RHOBTB1: variants seen among roughly 807,000 people sequenced by gnomAD.
RHOBTB1 encodes Rho related BTB domain containing 1, also known as rho-related BTB domain-containing protein 1.
RHOBTB1 carries 40 observed loss-of-function variants against 71.6 expected under a neutral mutation model. That is an observed-to-expected ratio of 0.56 (90% CI 0.43 to 0.73). The LOEUF is 0.73. RHOBTB1 is among the 30% of genes least tolerant of loss of function. RHOBTB1 has a pLI of 0.00. For missense variants in RHOBTB1, 797 were observed against 894.0 expected (o/e 0.89, Z 1.38); for synonymous variants, 319 against 334.9 (o/e 0.95, Z 0.52).
chr10:60,879,249 G>T (rs1029724320), intron 7 of RHOBTB1, among the ~76,000 whole-genome samples: 4 of 152,186 alleles, frequency 2.6e-5, no homozygotes, highest in African/African-American at 9.7e-5. Context: ...GGAAACAAAG[G>T]TTTGAGTTAC....
Position 60,956,591 on chromosome 10 carries a change from CT to C in RHOBTB1, c.-61-14738del, listed in dbSNP as rs550333725. Among the ~76,000 whole-genome samples, 119 of 151,764 alleles carry C rather than the reference CT, an allele frequency of 7.8e-4. 1 individual carries two copies. Among genetic ancestry groups the C allele is most frequent in the African/African-American group, 2.6e-3 (109 of 41,412 alleles). On this transcript the variant is annotated intron_variant, in intron 2 of 11. Coordinates refer to the RHOBTB1 transcript ENST00000357917. ...ACATTTAGCTGTACAAAAATATCTTCTTTATATCCTTATTGTATAAGTTTTA... is the reference window on the plus strand; with the variant it reads ...ACATTTAGCTGTACAAAAATATCTTCTTATATCCTTATTGTATAAGTTTTA...
chr10:60,891,867 AC>A (rs2081938067), intron 5 of RHOBTB1, among the ~76,000 whole-genome samples: 1 of 152,038 alleles, frequency 6.6e-6, no homozygotes, highest in South Asian at 2.1e-4. Context: ...CACGGGAGGG[AC>A]CTGGTGAAAG....
upstream of RHOBTB1, chr10:60,944,284 C>CGGCA (rs1431903014): frequency 6.6e-6 from 1 of 152,238 alleles, no homozygotes; most frequent in African/African-American, 2.4e-5. Context: ...ACGGAGCACC[C>CGGCA]GGCACCTCGC....
intron 2 of RHOBTB1, among the ~76,000 whole-genome samples, chr10:60,977,610 T>C (rs951388212): frequency 6.6e-6 from 1 of 152,104 alleles, no homozygotes; most frequent in Admixed American, 6.6e-5. Context: ...GTTAATATTG[T>C]AAATTCTGTA....
chr10:60,971,901 A>C (rs910202362), intron 2 of RHOBTB1, among the ~76,000 whole-genome samples: 1 of 152,242 alleles, frequency 6.6e-6, no homozygotes, highest in Non-Finnish European at 1.5e-5. Flanking sequence ...GACACTTCTC[A>C]AAAGAAGACA....
At chr10:60,933,449 C>T (rs781292903) in intron 2 of RHOBTB1, among the ~76,000 whole-genome samples, 3 of 152,060 alleles carry the variant, frequency 2.0e-5, no homozygotes, top group Non-Finnish European at 4.4e-5. Context: ...TGGCTGGGTG[C>T]GGTGGCTCAC....
Position 60,949,379 on chromosome 10 carries a change from G to T in RHOBTB1, c.-61-7525C>A, listed in dbSNP as rs75565632. Among the ~76,000 whole-genome samples the T allele has an allele frequency of 8.4e-3, 1,275 of 152,278 alleles. 13 individuals are homozygous for T. The highest frequency in any genetic ancestry group is 0.029 in the African/African-American group (1,196 of 41,552). On this transcript the variant is annotated intron_variant, in intron 2 of 11. Transcript: ENST00000357917. ...TGTCTTTGAAAGAATCTGTGTGTTC[G>T]TAGTTTTTGCACTTGGGTAAAAGTG...
At chr10:60,865,227 T>C (rs773362683), downstream of RHOBTB1, among the ~76,000 whole-genome samples, 1 of 152,188 alleles carries the variant, frequency 6.6e-6, no homozygotes, top group African/African-American at 2.4e-5. Context: ...GTTTTAACAA[T>C]CTCCAAAATT....
intron 2 of RHOBTB1, among the ~76,000 whole-genome samples, chr10:60,935,327 T>G (rs1017833070): frequency 6.6e-6 from 1 of 152,122 alleles, no homozygotes; most frequent in African/African-American, 2.4e-5. Flanking sequence ...ATTGATTGGG[T>G]AGTGGCTGGA....
At chr10:60,962,702 A>G (rs1192165146) in intron 2 of RHOBTB1, among the ~76,000 whole-genome samples, 1 of 152,290 alleles carries the variant, frequency 6.6e-6, no homozygotes, top group African/African-American at 2.4e-5. Flanking sequence ...ACAATTTACC[A>G]TGATCTTGGA....
At chr10:61,000,022 T>C (rs907217295) in intron 1 of RHOBTB1, among the ~76,000 whole-genome samples, 9 of 152,234 alleles carry the variant, frequency 5.9e-5, no homozygotes, top group African/African-American at 2.2e-4. Context: ...TAAATCATCT[T>C]ACATGCATGG....
chr10:60,947,194 A>G (rs984249289), upstream of RHOBTB1, among the ~76,000 whole-genome samples: 9 of 152,228 alleles, frequency 5.9e-5, no homozygotes, highest in African/African-American at 2.2e-4. Context: ...TGTTATTTCC[A>G]TGAAAAGATC....
chr10:60,969,248 C>T (rs550716939), intron 2 of RHOBTB1, among the ~76,000 whole-genome samples: 1 of 152,184 alleles, frequency 6.6e-6, no homozygotes, highest in East Asian at 1.9e-4. Flanking sequence ...CAGGGTGCGG[C>T]ACATATGACT....
intron 4 of RHOBTB1, among the ~76,000 whole-genome samples, chr10:60,906,697 A>G (rs2082696617): frequency 6.6e-6 from 1 of 152,218 alleles, no homozygotes. Flanking sequence ...TGCCTGGGGC[A>G]CCCTGATTAA....
chr10:60,889,121 A>T lies in RHOBTB1; in HGVS notation c.547T>A (p.Leu183Ile), dbSNP rs1247524904. 1.2e-6 allele frequency: 2 copies of T among 1,613,994 alleles called. No individual in the cohort carries two copies. The highest frequency in any genetic ancestry group is 4.5e-5 in the East Asian group (2 of 44,894). ...KGREVAKELG[L>I]PYYETSVFDQ... is the part of the protein sequence containing the mutation. ...AACACGCTTGTTTCATAGTATGGTA[A>T]GCCAAGTTCCTTTGCTACCTCTCGG... Residue 183 changes from leucine (L) to isoleucine (I), a missense_variant, in exon 6 of 11, where the codon TTA becomes ATA. Physicochemically the swap from Leu to Ile is conservative, Grantham distance 5. Around this residue, in one of 2 missense-constraint regions of RHOBTB1, gnomAD observed 658 missense variants for 681.5 expected, o/e 0.97. Transcript: ENST00000337910.
upstream of RHOBTB1, among the ~76,000 whole-genome samples, chr10:60,947,764 A>C (rs1306702093): frequency 1.3e-5 from 2 of 152,216 alleles, no homozygotes; most frequent in African/African-American, 4.8e-5. Context: ...GTATTTTGCT[A>C]TTAATATTAT....
At chr10:60,881,406 A>G (rs2081323132) in intron 7 of RHOBTB1, among the ~76,000 whole-genome samples, 1 of 152,234 alleles carries the variant, frequency 6.6e-6, no homozygotes, top group Non-Finnish European at 1.5e-5. Flanking sequence ...ACAAAGCGCT[A>G]AGTGCTCTAA....
chr10:60,987,073 G>T (rs747521104), intron 1 of RHOBTB1, among the ~76,000 whole-genome samples: 1 of 152,180 alleles, frequency 6.6e-6, no homozygotes, highest in East Asian at 1.9e-4. Context: ...AGCCCATTTC[G>T]TGGGGCTGTG....
intron 2 of RHOBTB1, among the ~76,000 whole-genome samples, chr10:60,924,172 T>A (rs2083728178): frequency 6.6e-6 from 1 of 152,096 alleles, no homozygotes; most frequent in Admixed American, 6.5e-5. Context: ...TCCCATTGTA[T>A]CTTATCAAAA....
Sources: gnomAD v4.1 joint callset for allele counts (sites outside exome capture counted in the v4.1 genomes callset) on GRCh38, gnomAD v4.1.1 for gene constraint, gnomAD v4.1.1 regional missense constraint, MANE v1.5 for transcripts, NCBI Gene and HGNC (gene_info 2026-07-23, HGNC 2026-07-21) for gene names.